CSMD1: variants seen among roughly 807,000 people sequenced by gnomAD.
CSMD1 encodes the protein CUB and sushi domain-containing protein 1.
CSMD1 carries 213 observed loss-of-function variants against 417.5 expected under a neutral mutation model. The observed-to-expected ratio is 0.51, with a 90% CI of 0.46 to 0.57. CSMD1 has a LOEUF of 0.57. CSMD1 is among the 20% of genes least tolerant of loss of function. The pLI, the probability that CSMD1 is intolerant of heterozygous loss-of-function variation, is 0.00. For synonymous variants in CSMD1, 2,862 were observed against 1,736.8 expected (o/e 1.65, Z -16.11); for missense variants, 6,923 against 4,529.7 (o/e 1.53, Z -15.17).
chr8:4,081,917 G>A (rs1202129873), intron 3 of CSMD1, among the ~76,000 whole-genome samples: 1 of 152,118 alleles, frequency 6.6e-6, no homozygotes, highest in African/African-American at 2.4e-5. Flanking sequence ...GGGGGAGTGT[G>A]TAGCTTAAAT....
At chr8:3,068,142 T>C (rs1163854280) in intron 49 of CSMD1, among the ~76,000 whole-genome samples, 8 of 152,180 alleles carry the variant, frequency 5.3e-5, no homozygotes, top group Non-Finnish European at 1.2e-4. Flanking sequence ...TGAACAGAGG[T>C]TCAAACACTG....
chr8:3,909,555 G>C (rs1021700910), intron 5 of CSMD1, among the ~76,000 whole-genome samples: 1 of 152,116 alleles, frequency 6.6e-6, no homozygotes, highest in African/African-American at 2.4e-5. Context: ...TTCAACCCTA[G>C]GGAGGTGGGT....
intron 17 of CSMD1, among the ~76,000 whole-genome samples, 162 bp downstream of exon 17, chr8:3,396,032 T>A (rs270056): frequency 0.29 from 43,712 of 152,168 alleles, 6,811 homozygotes; most frequent in East Asian, 0.55. Context: ...TGCTCTCTTA[T>A]GAATAACAGA....
At chr8:3,026,690 G>A (rs1415328319) in intron 51 of CSMD1, among the ~76,000 whole-genome samples, 1 of 151,990 alleles carries the variant, frequency 6.6e-6, no homozygotes, top group Non-Finnish European at 1.5e-5. Flanking sequence ...CAGCCAAAAT[G>A]TGCCAGGTAT....
At chr8:3,593,184 T>C (rs1800936841) in intron 8 of CSMD1, among the ~76,000 whole-genome samples, 2 of 152,204 alleles carry the variant, frequency 1.3e-5, no homozygotes, top group South Asian at 4.1e-4. Flanking sequence ...CCCAGTGTCA[T>C]GTTTCCCCAC....
intron 12 of CSMD1, among the ~76,000 whole-genome samples, chr8:3,445,502 A>C (rs1274006192): frequency 1.3e-5 from 2 of 152,208 alleles, no homozygotes; most frequent in African/African-American, 2.4e-5. Flanking sequence ...AAGCCTCTAT[A>C]GCTGCAATGT....
chr8:3,004,378 A>G (rs1020245329), intron 52 of CSMD1, among the ~76,000 whole-genome samples: 1 of 152,192 alleles, frequency 6.6e-6, no homozygotes, highest in Non-Finnish European at 1.5e-5. Flanking sequence ...AGTGTGTGTC[A>G]GAAATTGTCC....
chr8:3,116,155 C>T (rs1032165281), intron 42 of CSMD1, among the ~76,000 whole-genome samples: 1 of 151,896 alleles, frequency 6.6e-6, no homozygotes, highest in African/African-American at 2.4e-5. Flanking sequence ...TAAATAACAC[C>T]TTTTTTAATA....
intron 1 of CSMD1, among the ~76,000 whole-genome samples, chr8:4,715,156 A>G (rs1276256058): frequency 6.6e-6 from 1 of 152,204 alleles, no homozygotes; most frequent in Non-Finnish European, 1.5e-5. Flanking sequence ...TAAACTAACT[A>G]TGCTTTAGTT....
chr8:4,593,487 C>T (rs558166761), intron 2 of CSMD1, among the ~76,000 whole-genome samples: 10 of 152,096 alleles, frequency 6.6e-5, no homozygotes, highest in South Asian at 4.2e-4. Context: ...TAAAAGAGAA[C>T]GCTTTTAGAG....
intron 10 of CSMD1, among the ~76,000 whole-genome samples, chr8:3,568,795 C>T (rs1035380232): frequency 2.6e-5 from 4 of 151,878 alleles, no homozygotes; most frequent in Admixed American, 1.3e-4. Context: ...GAAGACAGGT[C>T]TTCCATGATA....
At chr8:3,486,243 T>A in intron 11 of CSMD1, among the ~76,000 whole-genome samples, 1 of 150,700 alleles carries the variant, frequency 6.6e-6, no homozygotes, top group East Asian at 2.0e-4. Context: ...TACCTTCTCC[T>A]TGTACTGTAC....
At chr8:4,210,625 CTCAT>C (rs1381715164) in intron 3 of CSMD1, among the ~76,000 whole-genome samples, 1 of 151,998 alleles carries the variant, frequency 6.6e-6, no homozygotes, top group African/African-American at 2.4e-5. Context: ...TAAATAATAT[CTCAT>C]TAATTATACA....
At chr8:3,895,763 A>C (rs1289521991) in intron 5 of CSMD1, among the ~76,000 whole-genome samples, 1 of 152,174 alleles carries the variant, frequency 6.6e-6, no homozygotes, top group East Asian at 1.9e-4. Context: ...TCAGTCATTT[A>C]AGAAATATTT....
At chr8:3,403,795 T>C (rs955533158) in intron 15 of CSMD1, among the ~76,000 whole-genome samples, 6 of 152,220 alleles carry the variant, frequency 3.9e-5, no homozygotes, top group African/African-American at 4.8e-5. Flanking sequence ...ATCATATCTT[T>C]GAGCACCACA....
At chr8:4,527,269 G>A (rs192820528) in intron 2 of CSMD1, among the ~76,000 whole-genome samples, 1 of 152,054 alleles carries the variant, frequency 6.6e-6, no homozygotes, top group Non-Finnish European at 1.5e-5. Flanking sequence ...CTTTTTTGTA[G>A]CATTTATATG....
At chr8:4,885,655 CCTTT>C (rs1229032040) in intron 1 of CSMD1, among the ~76,000 whole-genome samples, 11 of 151,624 alleles carry the variant, frequency 7.3e-5, no homozygotes, top group East Asian at 3.9e-4. Flanking sequence ...GTTGAATCAA[CCTTT>C]CTTTCTTCAT....
At chr8:4,022,671 G>C (rs895288939) in intron 4 of CSMD1, among the ~76,000 whole-genome samples, 3 of 152,186 alleles carry the variant, frequency 2.0e-5, no homozygotes, top group African/African-American at 7.2e-5. Context: ...AAATGTGGTA[G>C]ATTTGGGGGA....
At chr8:4,021,007 C>A (rs894076045) in intron 4 of CSMD1, among the ~76,000 whole-genome samples, 2 of 152,156 alleles carry the variant, frequency 1.3e-5, no homozygotes, top group African/African-American at 4.8e-5. Context: ...TAAACTGCAT[C>A]TATTTATTAA....
Sources: allele counts gnomAD v4.1 joint callset (sites outside exome capture counted in the v4.1 genomes callset), GRCh38; gene constraint gnomAD v4.1.1; transcripts MANE v1.5; gene names NCBI Gene and HGNC (gene_info 2026-07-23, HGNC 2026-07-21).